Variants in SRGAP2 observed in about 807,000 individuals in gnomAD.
The protein encoded by SRGAP2 is SLIT-ROBO Rho GTPase activating protein 2, also known as SLIT-ROBO Rho GTPase-activating protein 2.
Under a neutral mutation model 57.2 loss-of-function variants are expected in SRGAP2, and 15 were observed. That is an observed-to-expected ratio of 0.26 (90% confidence interval 0.18 to 0.40). SRGAP2 has a LOEUF of 0.40. Ranked by LOEUF, SRGAP2 falls within the 10% of genes least tolerant of loss-of-function variation. The pLI, the probability that SRGAP2 is intolerant of heterozygous loss-of-function variation, is 1.00. For synonymous variants in SRGAP2, 249 were observed against 248.0 expected (o/e 1.00, Z -0.04); for missense variants, 520 against 669.6 (o/e 0.78, Z 2.47).
chr1:206,435,726 CT>C (rs1661672395), intron 14 of SRGAP2, among the ~76,000 whole-genome samples: 1 of 152,328 alleles, frequency 6.6e-6, no homozygotes, highest in African/African-American at 2.4e-5. Flanking sequence ...CTGACTATCA[CT>C]CATCAATCCC....
At chr1:206,324,338 C>T (rs1553329001) in intron 3 of SRGAP2, among the ~76,000 whole-genome samples, 1 of 152,012 alleles carries the variant, frequency 6.6e-6, no homozygotes, top group Non-Finnish European at 1.5e-5. Flanking sequence ...ATAGGTTTAA[C>T]CATCAGGATG....
At chr1:206,363,688 A>G (rs1217071161) in intron 4 of SRGAP2, among the ~76,000 whole-genome samples, 1 of 152,030 alleles carries the variant, frequency 6.6e-6, no homozygotes, top group Non-Finnish European at 1.5e-5. Context: ...GTTATTTTGT[A>G]GAATGTTCCT....
At chr1:206,390,634 AAG>A (rs1346962928) in intron 5 of SRGAP2, among the ~76,000 whole-genome samples, 2 of 149,408 alleles carry the variant, frequency 1.3e-5, no homozygotes, top group African/African-American at 2.5e-5. Context: ...CAGGTGAAAA[AAG>A]AGAAAAAAAA....
At chr1:206,434,118 C>T (rs1661518503) in intron 14 of SRGAP2, among the ~76,000 whole-genome samples, 1 of 152,088 alleles carries the variant, frequency 6.6e-6, no homozygotes, top group South Asian at 2.1e-4. Flanking sequence ...GAGTCTGTGG[C>T]CCACTGAATG....
intron 4 of SRGAP2, among the ~76,000 whole-genome samples, chr1:206,366,514 C>T (rs1395355844): frequency 1.3e-5 from 2 of 151,436 alleles, no homozygotes; most frequent in Admixed American, 6.6e-5. Context: ...GGGGTGGGGA[C>T]GATCATGGGG....
At chr1:206,455,288 C>T in intron 21 of SRGAP2, 1 of 503,014 alleles carries the variant, frequency 2.0e-6, no homozygotes, top group Non-Finnish European at 3.6e-6. Flanking sequence ...AGTGTCTGTC[C>T]ACCCAGACCT....
chr1:206,453,476 A>G lies in SRGAP2; in HGVS notation c.2360+96A>G, dbSNP rs182500987. 6.3e-6 allele frequency: 3 copies of G among 473,812 alleles called. No individual in the cohort carries two copies. The East Asian group carries it at 1.1e-4, about 17-fold the overall frequency. The allele number at this position is 473,812 out of a possible 1,614,324, so 29.4% of individuals were successfully genotyped here. A position where few individuals can be genotyped will look rare whatever the true frequency, so the allele number is the denominator to read the frequency against. On this transcript the variant is annotated intron_variant, in intron 20 of 22. Coordinates refer to ENST00000573034, the MANE Select transcript of SRGAP2 (RefSeq NM_015326.5). ...AGCCATAGGACTATGAGGGAGGCCAACCCCTGGGGGGTCCAGTGCAGTCCT... is the reference window on the plus strand; with the variant it reads ...AGCCATAGGACTATGAGGGAGGCCAGCCCCTGGGGGGTCCAGTGCAGTCCT...
At chr1:206,281,549 G>C (rs1278937946) in intron 2 of SRGAP2, among the ~76,000 whole-genome samples, 1 of 124,564 alleles carries the variant, frequency 8.0e-6, no homozygotes, top group Non-Finnish European at 1.6e-5. Flanking sequence ...ATAAGAATTT[G>C]AGACTGGGTG....
chr1:206,251,220 C>G (rs1166730233), intron 2 of SRGAP2, among the ~76,000 whole-genome samples: 1 of 152,020 alleles, frequency 6.6e-6, no homozygotes, highest in Non-Finnish European at 1.5e-5. Context: ...ATAGTTTACA[C>G]TGACATATTT....
chr1:206,381,384 G>A (rs1354375684), intron 4 of SRGAP2, among the ~76,000 whole-genome samples: 1 of 115,616 alleles, frequency 8.6e-6, no homozygotes, highest in African/African-American at 3.5e-5. Flanking sequence ...AGGGCGGTGG[G>A]AAGTGATACT....
intron 14 of SRGAP2, among the ~76,000 whole-genome samples, chr1:206,436,402 G>A (rs1228825662): frequency 1.3e-5 from 2 of 151,466 alleles, no homozygotes; most frequent in Admixed American, 1.3e-4. Context: ...CCAGGCTGGA[G>A]GGCAGTGGTG....
chr1:206,339,899 C>T (rs1553334702), intron 3 of SRGAP2, among the ~76,000 whole-genome samples: 1 of 150,310 alleles, frequency 6.7e-6, no homozygotes, highest in African/African-American at 2.5e-5. Flanking sequence ...AAGTGATTCT[C>T]CTGCCTCAGC....
At chr1:206,292,844 A>T (rs1338566661) in intron 2 of SRGAP2, among the ~76,000 whole-genome samples, 2 of 150,972 alleles carry the variant, frequency 1.3e-5, no homozygotes, top group African/African-American at 2.5e-5. Flanking sequence ...GAAGGAGAAT[A>T]CAACTGCCTT....
rs573474470 is a variant in SRGAP2, at chr1:206,203,571, G to T, written c.-622G>T. ...CTGGGGCACCGATCTGCGTAGAAAC[G>T]GGTGGCGGGGAAGAGAGGGGAGGAG... is the stretch of plus-strand genomic sequence containing the variant. On this transcript the variant is annotated 5_prime_UTR_variant, in exon 1 of 23. Transcript: ENST00000573034. 3.1e-5 allele frequency: 18 copies of T among 576,332 alleles called. No homozygotes were observed. The highest frequency in any genetic ancestry group is 9.3e-5 in the African/African-American group (5 of 53,522). 35.7% of individuals were successfully genotyped at this position (576,332 alleles called of 1,614,324 possible). A position where few individuals can be genotyped will look rare whatever the true frequency, so the allele number is the denominator to read the frequency against.
In SRGAP2 at chr1:206,454,817, G is replaced by A. The variant is rs984204284; in HGVS notation, c.2361-61G>A. On this transcript the variant is annotated intron_variant, in intron 20 of 22. Transcript: ENST00000573034. The surrounding 1 kb of genome is among the most constrained non-coding windows in gnomAD (Gnocchi z 4.3). ...CGGGGGGCCATCTTGCCGATTTAAC[G>A]CTGCTTTTTGTGTTGTTGTTGTTTT... The A allele has an allele frequency of 1.4e-6, 1 of 703,642 alleles. No individual in the cohort carries two copies. Among genetic ancestry groups the A allele is most frequent in the East Asian group, 2.5e-5 (1 of 40,528 alleles). 43.6% of individuals were successfully genotyped at this position (703,642 alleles called of 1,614,324 possible). A position where few individuals can be genotyped will look rare whatever the true frequency, so the allele number is the denominator to read the frequency against.
chr1:206,237,705 C>T (rs1244916105), intron 2 of SRGAP2, among the ~76,000 whole-genome samples: 7 of 149,892 alleles, frequency 4.7e-5, no homozygotes, highest in South Asian at 2.1e-4. Flanking sequence ...GTATACCTAG[C>T]GTGAACTAAC....
chr1:206,230,068 T>A (rs1667535211), intron 2 of SRGAP2, among the ~76,000 whole-genome samples: 2 of 152,150 alleles, frequency 1.3e-5, no homozygotes, highest in African/African-American at 4.8e-5. Flanking sequence ...GAAAAAAAGG[T>A]TTCTCTGCTT....
chr1:206,459,072 T>C (rs1173320451), intron 22 of SRGAP2, 125 bp downstream of exon 22: 6 of 616,814 alleles, frequency 9.7e-6, no homozygotes, highest in Non-Finnish European at 1.8e-5. Flanking sequence ...ACTGAGTATA[T>C]GTCCACTCTG....
chr1:206,375,152 C>A (rs1440347689), intron 4 of SRGAP2, among the ~76,000 whole-genome samples: 1 of 149,468 alleles, frequency 6.7e-6, no homozygotes, highest in Non-Finnish European at 1.5e-5. Flanking sequence ...CCTTATCATT[C>A]TGGCTCTTTC....
Sources: allele counts gnomAD v4.1 joint callset (sites outside exome capture counted in the v4.1 genomes callset), GRCh38; gene constraint gnomAD v4.1.1; non-coding constraint Gnocchi (gnomAD v3.1); transcripts MANE v1.5; gene names NCBI Gene and HGNC (gene_info 2026-07-23, HGNC 2026-07-21).